ZFP64: variants seen among roughly 807,000 people sequenced by gnomAD.
The protein encoded by ZFP64 is zinc finger protein 64.
A neutral mutation model predicts 51.6 loss-of-function variants in ZFP64; 14 were observed. That is an observed-to-expected ratio of 0.27 (90% CI 0.18 to 0.42). The LOEUF (loss-of-function observed/expected upper bound fraction) is 0.42. Among genes scored for constraint, ZFP64 ranks in the 10% least tolerant of loss-of-function variants. The pLI is 1.00. For missense variants in ZFP64, 754 were observed against 906.8 expected (o/e 0.83, Z 2.16); for synonymous variants, 375 against 361.4 (o/e 1.04, Z -0.43).
Position 52,153,591 on chromosome 20 carries a change from T to G in ZFP64, c.764-163A>C, listed in dbSNP as rs1981064952. On this transcript the variant is annotated intron_variant, in intron 5 of 5. Transcript: ENST00000216923. This position sits in a 1 kb window ranked among gnomAD's most constrained non-coding sequence, Gnocchi z 5.1. ...GCAGTGGGGGAAGAGGGGCAGGGCGTCTTTATCTTTCCCCGGAACCCAAAC... is the reference window on the plus strand; with the variant it reads ...GCAGTGGGGGAAGAGGGGCAGGGCGGCTTTATCTTTCCCCGGAACCCAAAC... Among the ~76,000 whole-genome samples, 2 of 152,084 alleles carry G rather than the reference T, an allele frequency of 1.3e-5. No individual in the cohort carries two copies. The highest frequency in any genetic ancestry group is 4.2e-4 in the South Asian group (2 of 4,818).
At chr20:52,086,478 AT>A (rs11476509) in intron 8 of ZFP64, among the ~76,000 whole-genome samples, 36,120 of 142,326 alleles carry the variant, frequency 0.25, 5,082 homozygotes, top group African/African-American at 0.42. Flanking sequence ...TTCACAAGGA[AT>A]TTTTTTTTTT....
In ZFP64 at chr20:52,152,771, G is replaced by A; in HGVS notation, c.1421C>T (p.Pro474Leu). 6.2e-7 allele frequency: 1 copy of A among 1,602,636 alleles called. No homozygotes were observed. The highest frequency in any genetic ancestry group is 8.5e-7 in the Non-Finnish European group (1 of 1,172,634). The change falls in exon 6 of 6, where the codon CCC (proline) becomes CTC (leucine). Residue 474 changes from proline (P) to leucine (L), a missense_variant. Pro to Leu is a moderately conservative substitution (Grantham distance 98). Coordinates refer to ENST00000216923, the MANE Select transcript of ZFP64 (RefSeq NM_018197.3). ...CACCTGGAGGTGTCCCACAGTGAGG[G>A]GCGTGGCGGGCTGCTTGCTGGGGTC... is the stretch of plus-strand genomic sequence containing the variant. ...QIDPSKQPAT[P>L]LTVGHLQVPL...
At chr20:52,127,361 C>A (rs1048714180) in intron 5 of ZFP64, among the ~76,000 whole-genome samples, 1 of 151,838 alleles carries the variant, frequency 6.6e-6, no homozygotes, top group Non-Finnish European at 1.5e-5. Context: ...CCACCCAAAT[C>A]TCATCTTGAA....
chr20:52,143,268 A>G (rs528957261), intron 5 of ZFP64, among the ~76,000 whole-genome samples: 1 of 142,566 alleles, frequency 7.0e-6, no homozygotes, highest in Admixed American at 7.3e-5. Flanking sequence ...AAAATAGGAA[A>G]CATACCTTTA....
chr20:52,136,923 C>T (rs1980011207), intron 5 of ZFP64, among the ~76,000 whole-genome samples: 1 of 152,118 alleles, frequency 6.6e-6, no homozygotes, highest in East Asian at 1.9e-4. Flanking sequence ...CACCACCACA[C>T]CCAGCTAATT....
chr20:52,117,244 G>A (rs1978922897), intron 5 of ZFP64, among the ~76,000 whole-genome samples: 1 of 152,100 alleles, frequency 6.6e-6, no homozygotes, highest in African/African-American at 2.4e-5. Flanking sequence ...AAATCAGAAT[G>A]GGCTTTTAAT....
Position 52,152,537 on chromosome 20 carries a change from G to C in ZFP64, c.1655C>G (p.Pro552Arg), listed in dbSNP as rs535504707. The change falls in exon 6 of 6, where the codon CCT becomes CGT. Residue 552 changes from proline to arginine, a missense_variant. Coordinates refer to ENST00000216923, the MANE Select transcript of ZFP64 (RefSeq NM_018197.3). ...ILRQVSLIAP[P>R]QSSRCPSEAG... ...CTCGCTCGGACACCGCGAGGACTGA[G>C]GGGGGGCGATCAGACTGACCTGGCG... 1.6e-5 allele frequency: 25 copies of C among 1,587,914 alleles called. 1 individual carries two copies. The African/African-American group carries it at 1.6e-4, about 10-fold the overall frequency.
chr20:52,109,797 A>G (rs549912563), intron 5 of ZFP64, among the ~76,000 whole-genome samples: 93 of 151,240 alleles, frequency 6.1e-4, no homozygotes, highest in African/African-American at 1.8e-3. Context: ...AAAAAAAAAA[A>G]AAAAAGAAAA....
At chr20:52,091,386 A>G (rs538588154) in intron 7 of ZFP64, among the ~76,000 whole-genome samples, 58 of 152,244 alleles carry the variant, frequency 3.8e-4, no homozygotes, top group Admixed American at 6.5e-4. Context: ...AAAAGCCACT[A>G]AATGCTCTGA....
At chr20:52,159,888 T>C (rs4811300) in intron 5 of ZFP64, among the ~76,000 whole-genome samples, 10,095 of 152,222 alleles carry the variant, frequency 0.066, 456 homozygotes, top group African/African-American at 0.12. Context: ...GGCACAAGAA[T>C]TGCTTGAGCC....
At chr20:52,174,482 CAAAA>C (rs386393988) in intron 2 of ZFP64, among the ~76,000 whole-genome samples, 1 of 56,026 alleles carries the variant, frequency 1.8e-5, no homozygotes, top group Non-Finnish European at 3.3e-5. Flanking sequence ...GGCTCCATCT[CAAAA>C]AAAAAAAAAA....
At chr20:52,162,483 C>T (rs752201076) in intron 4 of ZFP64, among the ~76,000 whole-genome samples, 1 of 151,200 alleles carries the variant, frequency 6.6e-6, no homozygotes, top group Admixed American at 6.6e-5. Flanking sequence ...AAAAACTAGC[C>T]GGGCGTGGTG....
chr20:52,138,254 G>A (rs1342227035), intron 5 of ZFP64, among the ~76,000 whole-genome samples: 15 of 151,794 alleles, frequency 9.9e-5, no homozygotes. Context: ...GGATGGAGAT[G>A]AATATATAAC....
intron 2 of ZFP64, among the ~76,000 whole-genome samples, chr20:52,173,166 C>T (rs1982894517): frequency 6.6e-6 from 1 of 152,158 alleles, no homozygotes; most frequent in South Asian, 2.1e-4. Flanking sequence ...CTTCCCCCTT[C>T]CCTTCTTCAA....
chr20:52,174,570 C>T (rs947086491), intron 2 of ZFP64, among the ~76,000 whole-genome samples: 1 of 142,840 alleles, frequency 7.0e-6, no homozygotes, highest in East Asian at 2.1e-4. Context: ...TTTAATGAAA[C>T]ACTTTTGCCA....
intron 5 of ZFP64, among the ~76,000 whole-genome samples, chr20:52,142,377 G>GACACACACACACACGCGCGCGC (rs1386874465): frequency 1.5e-4 from 18 of 118,474 alleles, no homozygotes; most frequent in Non-Finnish European, 2.8e-4. Context: ...CACACACACA[G>GACACACACACACACGCGCGCGC]ACACACACAC....
chr20:52,105,048 C>T, intron 5 of ZFP64: 1 of 1,385,476 alleles, frequency 7.2e-7, no homozygotes, highest in Non-Finnish European at 9.4e-7. Flanking sequence ...GGTCCCCTGC[C>T]CGGTCCTCGT....
Position 52,186,851 on chromosome 20 carries a change from C to T in ZFP64, c.267G>A (p.Ser89=), listed in dbSNP as rs545568207. Residue 89 remains serine, a synonymous_variant, in exon 2 of 6, where the codon TCG becomes TCA. Coordinates refer to ENST00000216923, the MANE Select transcript of ZFP64 (RefSeq NM_018197.3). ...QTQTTTRTIT[S]ETQTITVSAP... ...CTGTACCTGTGATTGTCTGGGTCTC[C>T]GAGGTGATGGTTCTGGTGGTGGTCT... 9 of 1,610,586 alleles carry T rather than the reference C, an allele frequency of 5.6e-6. No individual in the cohort carries two copies. The highest frequency in any genetic ancestry group is 1.3e-5 in the African/African-American group (1 of 74,946).
chr20:52,112,101 C>CAA (rs1213989280), intron 5 of ZFP64, among the ~76,000 whole-genome samples: 1 of 76,928 alleles, frequency 1.3e-5, no homozygotes, highest in East Asian at 2.9e-4. Flanking sequence ...AAAAAAAAAA[C>CAA]AAAAAAAAAA....
Sources: gnomAD v4.1 joint callset for allele counts (sites outside exome capture counted in the v4.1 genomes callset) on GRCh38, gnomAD v4.1.1 for gene constraint, Gnocchi (gnomAD v3.1) non-coding constraint, MANE v1.5 for transcripts, NCBI Gene and HGNC (gene_info 2026-07-23, HGNC 2026-07-21) for gene names.